ZFYVE26: variants seen among roughly 807,000 people sequenced by gnomAD.
ZFYVE26 encodes zinc finger FYVE domain-containing protein 26.
Under a neutral mutation model 276.5 loss-of-function variants are expected in ZFYVE26, and 181 were observed. The ratio of observed to expected loss-of-function variants is 0.65; its 90% CI spans 0.58 to 0.74. The LOEUF (loss-of-function observed/expected upper bound fraction) is 0.74, where lower values mean the gene tolerates loss of function less well. ZFYVE26 is among the 30% of genes least tolerant of loss of function. ZFYVE26 has a pLI of 0.00. For missense variants in ZFYVE26, 2,821 were observed against 3,097.9 expected (o/e 0.91, Z 2.12); for synonymous variants, 1,129 against 1,203.1 (o/e 0.94, Z 1.27).
chr14:67,771,923 T>C, intron 28 of ZFYVE26, 124 bp downstream of exon 28: 2 of 1,316,718 alleles, frequency 1.5e-6, no homozygotes. Flanking sequence ...AAGTCTTAGA[T>C]TTGGCAGTTC....
At position 67,783,431 on chromosome 14, in the gene ZFYVE26, G is replaced by C; in HGVS notation, c.3721C>G (p.Arg1241Gly). 1.2e-6 allele frequency: 2 copies of C among 1,614,182 alleles called. No homozygotes were observed. The highest frequency in any genetic ancestry group is 1.7e-6 in the Non-Finnish European group (2 of 1,180,032). ...CCEPLALCSS[R>G]QSQQTSSLLT... Reference sequence around the variant, plus strand: ...AGGGAGGAGGTCTGCTGGCTTTGCCGGGATGAGCAAAGAGCAAGGGGCTCA... The same window carrying C: ...AGGGAGGAGGTCTGCTGGCTTTGCCCGGATGAGCAAAGAGCAAGGGGCTCA... The change falls in exon 21 of 42, where the codon CGG becomes GGG. Residue 1241 changes from arginine (R) to glycine (G), a missense_variant. Physicochemically the swap from Arg to Gly is moderately radical, Grantham distance 125. Coordinates refer to ENST00000347230, the MANE Select transcript of ZFYVE26 (RefSeq NM_015346.4).
chr14:67,757,917 G>A lies in ZFYVE26; in HGVS notation c.6589-1772C>T, dbSNP rs150246179. On this transcript the variant is annotated intron_variant, in intron 35 of 41. Transcript: ENST00000347230. Reference sequence around the variant, plus strand: ...TTTAGTAGAGACAGGGTTTCATCATGTTGGCCAGGCTGGTCTCAAACTCCT... The same window carrying A: ...TTTAGTAGAGACAGGGTTTCATCATATTGGCCAGGCTGGTCTCAAACTCCT... Among the ~76,000 whole-genome samples, 172 of 152,104 alleles carry A rather than the reference G, an allele frequency of 1.1e-3. 1 individual carries two copies. The highest frequency in any genetic ancestry group is 3.4e-3 in the African/African-American group (143 of 41,488).
At chr14:67,814,180 C>T in intron 2 of ZFYVE26, 116 bp from the exon 3 acceptor site, 1 of 803,154 alleles carries the variant, frequency 1.2e-6, no homozygotes, top group Non-Finnish European at 2.1e-6. Flanking sequence ...AGGCAAGACA[C>T]TGCCCTAATG....
At chr14:67,741,921 A>T (rs898090653), downstream of ZFYVE26, among the ~76,000 whole-genome samples, 10 of 152,218 alleles carry the variant, frequency 6.6e-5, no homozygotes, top group Admixed American at 6.5e-4. Flanking sequence ...ATCCTACTCT[A>T]GCCACAACCT....
chr14:67,744,715 C>T (rs1174059886), downstream of ZFYVE26, among the ~76,000 whole-genome samples: 2 of 152,204 alleles, frequency 1.3e-5, no homozygotes, highest in East Asian at 3.8e-4. Flanking sequence ...CTTCCAGCTT[C>T]ATCCATGTCC....
At chr14:67,756,712 C>A (rs958540370) in intron 35 of ZFYVE26, among the ~76,000 whole-genome samples, 1 of 152,120 alleles carries the variant, frequency 6.6e-6, no homozygotes, top group Non-Finnish European at 1.5e-5. Context: ...TTCGGAGGAA[C>A]CTACACTCTT....
chr14:67,735,449 C>A, intron 13 of ZFYVE26: 1 of 595,822 alleles, frequency 1.7e-6, no homozygotes, highest in Non-Finnish European at 3.0e-6. Flanking sequence ...CTTGGCTCTG[C>A]ACAAACAATG....
chr14:67,780,834 T>A (rs923494392), intron 22 of ZFYVE26, among the ~76,000 whole-genome samples: 2 of 152,244 alleles, frequency 1.3e-5, no homozygotes, highest in Non-Finnish European at 2.9e-5. Flanking sequence ...TGTTGGAAAA[T>A]TAGCATCTAT....
At chr14:67,781,551 C>G (rs371261649) in intron 21 of ZFYVE26, 22 bp from the exon 22 acceptor site, 2 of 1,612,784 alleles carry the variant, frequency 1.2e-6, no homozygotes, top group South Asian at 2.2e-5. Context: ...AAAAGATGCT[C>G]AGAGGCAGCA....
chr14:67,790,587 T>A lies in ZFYVE26; in HGVS notation c.2740A>T (p.Ser914Cys). 1 of 1,613,732 alleles carries A rather than the reference T, an allele frequency of 6.2e-7. No individual in the cohort carries two copies. Among genetic ancestry groups the A allele is most frequent in the Non-Finnish European group, 8.5e-7 (1 of 1,179,938 alleles). The part of the protein sequence containing the change: ...SGRSTLQAIG[S>C]AAAAGMVFYS... ...GAAGCCTGACCTGCTGCTGCAGCGC[T>A]GCCAATGGCCTGTAGAGTTGAGCGG... The change falls in exon 15 of 42, where the codon AGC becomes TGC. Residue 914 changes from serine (S) to cysteine (C), a missense_variant. Transcript: ENST00000347230.
chr14:67,774,815 T>C (rs1001190968), intron 27 of ZFYVE26, among the ~76,000 whole-genome samples: 8 of 151,942 alleles, frequency 5.3e-5, no homozygotes, highest in Middle Eastern at 3.2e-3. Flanking sequence ...TTTATAGACA[T>C]ACTGCCACAA....
intron 37 of ZFYVE26, among the ~76,000 whole-genome samples, chr14:67,754,733 G>A (rs771687144): frequency 3.3e-5 from 5 of 152,222 alleles, no homozygotes; most frequent in Non-Finnish European, 4.4e-5. Flanking sequence ...TCGATGCTTA[G>A]CAAGAAGAGA....
At chr14:67,766,498 C>T in intron 31 of ZFYVE26, 51 bp from the exon 32 acceptor site, 2 of 1,572,328 alleles carry the variant, frequency 1.3e-6, no homozygotes, top group Non-Finnish European at 1.7e-6. Flanking sequence ...GGGGCCAGAG[C>T]ATTCTCCAAA....
rs531090878 is a variant in ZFYVE26, at chr14:67,771,985, C to A, written c.5484+62G>T. The A allele has an allele frequency of 1.7e-4, 276 of 1,582,764 alleles. 3 individuals carry two copies. In the East Asian group the frequency reaches 6.2e-3, roughly 36 times the overall value. Reference sequence around the variant, plus strand: ...CAGGCGGTGATTGTAAACTCAGGCTCATGAACTAGAATTCTCCTTTACCTT... The same window carrying A: ...CAGGCGGTGATTGTAAACTCAGGCTAATGAACTAGAATTCTCCTTTACCTT... On this transcript the variant is annotated intron_variant, in intron 28 of 41. Transcript: ENST00000347230.
At chr14:67,730,991 A>G (rs1312704792) in intron 13 of ZFYVE26, among the ~76,000 whole-genome samples, 1 of 152,184 alleles carries the variant, frequency 6.6e-6, no homozygotes, top group Non-Finnish European at 1.5e-5. Flanking sequence ...ATGAGATAAA[A>G]GATATCTCAT....
At chr14:67,736,645 G>A (rs1057239677) in intron 13 of ZFYVE26, among the ~76,000 whole-genome samples, 4 of 152,178 alleles carry the variant, frequency 2.6e-5, no homozygotes, top group Non-Finnish European at 4.4e-5. Context: ...CATCCAAAAA[G>A]CATACCTCAA....
chr14:67,777,339 C>A (rs374832013), intron 25 of ZFYVE26, among the ~76,000 whole-genome samples: 1 of 152,148 alleles, frequency 6.6e-6, no homozygotes, highest in African/African-American at 2.4e-5. Context: ...ATGACAAGTC[C>A]TAGGAGACTC....
At chr14:67,799,438 A>C in intron 10 of ZFYVE26, 1 of 1,612,350 alleles carries the variant, frequency 6.2e-7, no homozygotes, top group Non-Finnish European at 8.5e-7. Context: ...AAACGAGCAG[A>C]AAGGAGTTGG....
chr14:67,766,933 G>A (rs1048617524), intron 31 of ZFYVE26, among the ~76,000 whole-genome samples: 13 of 152,084 alleles, frequency 8.5e-5, no homozygotes, highest in Non-Finnish European at 1.6e-4. Flanking sequence ...CAAACTCCTG[G>A]GCTCAAGCGA....
Sources: allele counts gnomAD v4.1 joint callset (sites outside exome capture counted in the v4.1 genomes callset), GRCh38; gene constraint gnomAD v4.1.1; transcripts MANE v1.5; gene names NCBI Gene and HGNC (gene_info 2026-07-23, HGNC 2026-07-21).